MARCHF8: variants seen among roughly 807,000 people sequenced by gnomAD.
The protein encoded by MARCHF8 is E3 ubiquitin-protein ligase MARCHF8.
In MARCHF8, 40 loss-of-function variants were observed where a neutral mutation model predicts 51.6. The ratio of observed to expected loss-of-function variants is 0.77; its 90% CI spans 0.60 to 1.01. MARCHF8 has a LOEUF of 1.01. MARCHF8 is among the 50% of genes least tolerant of loss of function. The pLI is 0.00. For synonymous variants in MARCHF8, 263 were observed against 280.3 expected, an observed-to-expected ratio of 0.94 and a Z score of 0.62; for missense variants, 685 against 708.6, an observed-to-expected ratio of 0.97 and a Z score of 0.38.
In MARCHF8 at chr10:45,463,780, C is replaced by G. The variant is rs1168485901; in HGVS notation, c.459G>C (p.Lys153Asn). 2 of 1,550,948 alleles carry G rather than the reference C, an allele frequency of 1.3e-6. No homozygotes were observed. The highest frequency in any genetic ancestry group is 2.7e-5 in the African/African-American group (2 of 73,184). Reference sequence around the variant, plus strand: ...CCACATCATTGAGGGACCTTGAGAACTTTAGTGTTCTTCTGGCTTTGGTAT... The same window carrying G: ...CCACATCATTGAGGGACCTTGAGAAGTTTAGTGTTCTTCTGGCTTTGGTAT... ...AKNTKARRTLKFSRSLNDVGE... is the reference protein window; with the variant it reads ...AKNTKARRTLNFSRSLNDVGE... Residue 153 changes from lysine to asparagine, a missense_variant, in exon 5 of 8, where the codon AAG becomes AAC. Transcript: ENST00000453424.
chr10:45,463,428 C>T lies in MARCHF8; in HGVS notation c.811G>A (p.Ala271Thr), dbSNP rs1162006777. The T allele has an allele frequency of 2.3e-5, 36 of 1,550,466 alleles. No homozygotes were observed. Among genetic ancestry groups the T allele is most frequent in the Non-Finnish European group, 2.6e-5 (30 of 1,147,004 alleles). The change falls in exon 5 of 8, where the codon GCC becomes ACC. Residue 271 changes from alanine (A) to threonine (T), a missense_variant. By Grantham distance (58) the Ala-to-Thr change is moderately conservative (BLOSUM62 0). Coordinates refer to ENST00000453424, the MANE Select transcript of MARCHF8 (RefSeq NM_001282866.2). ...TCATGGAACCTGTGCAGGCTGCTGG[C>T]GCTCAAGCCGTGCGAGAGTGAGAAC... is the stretch of plus-strand genomic sequence containing the variant. ...YLFSLSHGLS[A>T]SSLHRFHELE...
chr10:45,578,376 C>T (rs1045336774), intron 1 of MARCHF8, among the ~76,000 whole-genome samples: 3 of 151,976 alleles, frequency 2.0e-5, no homozygotes, highest in African/African-American at 7.3e-5. Flanking sequence ...ATTTTAGTAT[C>T]AAGATAATAA....
chr10:45,592,853 G>A (rs747788127), intron 1 of MARCHF8, among the ~76,000 whole-genome samples: 12 of 152,016 alleles, frequency 7.9e-5, no homozygotes, highest in Non-Finnish European at 8.8e-5. Flanking sequence ...GACAAACAAC[G>A]AATCTTTTTT....
chr10:45,511,814 T>C (rs2043514104), intron 2 of MARCHF8, among the ~76,000 whole-genome samples: 1 of 152,070 alleles, frequency 6.6e-6, no homozygotes, highest in Non-Finnish European at 1.5e-5. Flanking sequence ...GATTGCAGCC[T>C]CTGCCCGGCC....
At chr10:45,561,700 A>C (rs1394264271) in intron 1 of MARCHF8, among the ~76,000 whole-genome samples, 1 of 151,016 alleles carries the variant, frequency 6.6e-6, no homozygotes. Flanking sequence ...GGAGATCGAG[A>C]CCATCCTGGC....
chr10:45,551,141 C>A (rs2044189566), intron 1 of MARCHF8, among the ~76,000 whole-genome samples: 1 of 152,052 alleles, frequency 6.6e-6, no homozygotes, highest in South Asian at 2.1e-4. Context: ...AACTTCCTCT[C>A]CTAGATATAC....
At chr10:45,525,815 A>T (rs1362494823) in intron 2 of MARCHF8, among the ~76,000 whole-genome samples, 4 of 152,232 alleles carry the variant, frequency 2.6e-5, no homozygotes, top group Non-Finnish European at 5.9e-5. Context: ...CAATTCCCAT[A>T]GAAGGACATT....
At chr10:45,561,499 TCCTGACCTCAGTAATCTGCCCA>T (rs1449936612) in intron 1 of MARCHF8, among the ~76,000 whole-genome samples, 1 of 151,402 alleles carries the variant, frequency 6.6e-6, no homozygotes, top group African/African-American at 2.4e-5. Flanking sequence ...GGTCTTGAAC[TCCTGACCTCAGTAATCTGCCCA>T]CCTCAGCCTC....
intron 3 of MARCHF8, among the ~76,000 whole-genome samples, chr10:45,473,128 G>A (rs953475437): frequency 6.6e-6 from 1 of 152,190 alleles, no homozygotes; most frequent in Non-Finnish European, 1.5e-5. Context: ...TCCTTGTAAG[G>A]AATGTCCCTC....
chr10:45,468,609 A>T (rs1356734219), intron 3 of MARCHF8, among the ~76,000 whole-genome samples: 1 of 152,218 alleles, frequency 6.6e-6, no homozygotes, highest in African/African-American at 2.4e-5. Context: ...AGGAACGTGA[A>T]GACAGGCTGG....
At chr10:45,498,386 C>T (rs2043213855) in intron 2 of MARCHF8, among the ~76,000 whole-genome samples, 2 of 152,126 alleles carry the variant, frequency 1.3e-5, no homozygotes, top group Non-Finnish European at 2.9e-5. Context: ...ATACTTTATA[C>T]AAGTGGAATC....
chr10:45,515,635 C>T (rs2043605765), intron 2 of MARCHF8, among the ~76,000 whole-genome samples: 1 of 152,174 alleles, frequency 6.6e-6, no homozygotes, highest in African/African-American at 2.4e-5. Context: ...ACAGACTCTG[C>T]ATCATTCCAC....
At chr10:45,501,940 C>A (rs2043287750) in intron 2 of MARCHF8, among the ~76,000 whole-genome samples, 1 of 152,060 alleles carries the variant, frequency 6.6e-6, no homozygotes, top group South Asian at 2.1e-4. Context: ...TGAGATATTA[C>A]TACACACCTA....
intron 2 of MARCHF8, among the ~76,000 whole-genome samples, chr10:45,525,610 T>C (rs2043778540): frequency 6.6e-6 from 1 of 152,046 alleles, no homozygotes; most frequent in Non-Finnish European, 1.5e-5. Flanking sequence ...AAGAATGAAG[T>C]ACAAAAGGGG....
chr10:45,538,072 G>A (rs2133296488), upstream of MARCHF8, among the ~76,000 whole-genome samples: 1 of 152,240 alleles, frequency 6.6e-6, no homozygotes, highest in South Asian at 2.1e-4. Context: ...GAGTACAAAG[G>A]TTGGGTTACC....
chr10:45,550,952 T>C (rs934090507), intron 1 of MARCHF8, among the ~76,000 whole-genome samples: 1 of 152,236 alleles, frequency 6.6e-6, no homozygotes. Flanking sequence ...AATATGCAGA[T>C]ATTTGGTCAA....
At chr10:45,546,138 TTTTATTTATTTATTTA>T (rs370400917) in intron 1 of MARCHF8, among the ~76,000 whole-genome samples, 10 of 147,688 alleles carry the variant, frequency 6.8e-5, no homozygotes, top group East Asian at 2.0e-4. Context: ...TGAGCTGAAT[TTTTATTTATTTATTTA>T]TTTATTTATT....
At chr10:45,589,850 T>C (rs574562151) in intron 1 of MARCHF8, among the ~76,000 whole-genome samples, 1 of 152,212 alleles carries the variant, frequency 6.6e-6, no homozygotes, top group Non-Finnish European at 1.5e-5. Flanking sequence ...TTTTTGGCTA[T>C]TATGGCTACC....
intron 1 of MARCHF8, among the ~76,000 whole-genome samples, chr10:45,544,740 C>CA (rs2044099296): frequency 6.6e-6 from 1 of 152,130 alleles, no homozygotes; most frequent in African/African-American, 2.4e-5. Flanking sequence ...ACTTTGGGGG[C>CA]AAAGGAAATG....
Sources: gnomAD v4.1 joint callset for allele counts (sites outside exome capture counted in the v4.1 genomes callset) on GRCh38, gnomAD v4.1.1 for gene constraint, MANE v1.5 for transcripts, NCBI Gene and HGNC (gene_info 2026-07-23, HGNC 2026-07-21) for gene names.